KCNJ6: variants seen among roughly 807,000 people sequenced by gnomAD.
The protein encoded by KCNJ6 is potassium inwardly rectifying channel subfamily J member 6, also known as G protein-activated inward rectifier potassium channel 2.
A neutral mutation model predicts 34.2 loss-of-function variants in KCNJ6; 9 were observed. The observed-to-expected ratio is 0.26, with a 90% CI of 0.16 to 0.46. The LOEUF is 0.46. KCNJ6 is among the 20% of genes least tolerant of loss of function. The pLI, the probability that KCNJ6 is intolerant of heterozygous loss-of-function variation, is 1.00. For missense variants in KCNJ6, 236 were observed against 531.3 expected, an observed-to-expected ratio of 0.44 and a Z score of 5.46; for synonymous variants, 196 against 207.1, an observed-to-expected ratio of 0.95 and a Z score of 0.46.
At chr21:37,811,236 A>G (rs1399175482) in intron 2 of KCNJ6, among the ~76,000 whole-genome samples, 2 of 152,042 alleles carry the variant, frequency 1.3e-5, no homozygotes, top group Non-Finnish European at 2.9e-5. Flanking sequence ...TCTAACCTTT[A>G]CCCTGTGCAT....
chr21:37,644,991 A>T (rs1656729465), intron 3 of KCNJ6, among the ~76,000 whole-genome samples: 1 of 149,578 alleles, frequency 6.7e-6, no homozygotes, highest in African/African-American at 2.5e-5. Context: ...AAAGGAGAGC[A>T]TCACTGGTTG....
chr21:37,665,581 A>G (rs1787399), intron 3 of KCNJ6, among the ~76,000 whole-genome samples: 87,712 of 151,980 alleles, frequency 0.58, 25,581 homozygotes, highest in East Asian at 0.85. Flanking sequence ...CCATGCTGGT[A>G]TGAGGTAGAG....
At chr21:37,877,314 T>C (rs546632406) in intron 1 of KCNJ6, among the ~76,000 whole-genome samples, 10 of 152,294 alleles carry the variant, frequency 6.6e-5, no homozygotes, top group African/African-American at 2.4e-4. Context: ...ATCTGCAGTT[T>C]CTACCATGAA....
intron 3 of KCNJ6, among the ~76,000 whole-genome samples, chr21:37,694,935 C>G (rs578197569): frequency 2.0e-5 from 3 of 152,348 alleles, no homozygotes; most frequent in Non-Finnish European, 4.4e-5. Context: ...GAAGAAGGCC[C>G]TCACCAGGAA....
At chr21:37,824,011 T>C (rs183259530) in intron 2 of KCNJ6, among the ~76,000 whole-genome samples, 24 of 676 alleles carry the variant, frequency 0.036, no homozygotes, top group Non-Finnish European at 0.072. Flanking sequence ...ACTAGCTTGA[T>C]TGAATCATTT....
rs140700936 is a variant in KCNJ6, at chr21:37,608,391, C to G, written c.*16768G>C. The G allele has an allele frequency of 6.6e-6, 1 of 152,346 alleles. No individual in the cohort carries two copies. The highest frequency in any genetic ancestry group is 1.9e-4 in the East Asian group (1 of 5,176). The allele number at this position is 152,346 out of a possible 1,614,324, so 9.4% of individuals were successfully genotyped here. On this transcript the variant is annotated 3_prime_UTR_variant, in exon 4 of 4. Coordinates refer to ENST00000609713, the MANE Select transcript of KCNJ6 (RefSeq NM_002240.5). Reference sequence around the variant, plus strand: ...CAGGCTAATCTTGAATTCCTGGGCTCAAGCAATCCTCCCACCTTGGCCTCT... The same window carrying G: ...CAGGCTAATCTTGAATTCCTGGGCTGAAGCAATCCTCCCACCTTGGCCTCT...
chr21:37,857,523 A>G (rs1040063743), intron 1 of KCNJ6, among the ~76,000 whole-genome samples: 1 of 152,236 alleles, frequency 6.6e-6, no homozygotes, highest in African/African-American at 2.4e-5. Context: ...CTGAGTGGAA[A>G]AGAAACTGTG....
chr21:37,870,393 C>T (rs1427975415), intron 1 of KCNJ6, among the ~76,000 whole-genome samples: 1 of 152,134 alleles, frequency 6.6e-6, no homozygotes, highest in Non-Finnish European at 1.5e-5. Flanking sequence ...CTTTGAAGCT[C>T]AGTATTTCTC....
chr21:37,713,221 TCATG>T (rs2054771781), intron 3 of KCNJ6, among the ~76,000 whole-genome samples: 1 of 152,086 alleles, frequency 6.6e-6, no homozygotes, highest in Admixed American at 6.5e-5. Flanking sequence ...AGCCTGCTGG[TCATG>T]CAATTTCAGA....
chr21:37,706,854 T>A (rs1215390615), intron 3 of KCNJ6, among the ~76,000 whole-genome samples: 1 of 152,248 alleles, frequency 6.6e-6, no homozygotes, highest in South Asian at 2.1e-4. Context: ...CATCAGCTGA[T>A]ACCTCAGAAT....
chr21:37,641,283 C>T (rs1383208523), intron 3 of KCNJ6, among the ~76,000 whole-genome samples: 2 of 152,058 alleles, frequency 1.3e-5, no homozygotes, highest in African/African-American at 4.8e-5. Context: ...TAAAAAGACC[C>T]AGCTGGTAAT....
intron 2 of KCNJ6, among the ~76,000 whole-genome samples, chr21:37,724,410 G>T (rs1379942228): frequency 6.6e-6 from 1 of 152,178 alleles, no homozygotes; most frequent in African/African-American, 2.4e-5. Flanking sequence ...CTGCAGTCTG[G>T]CTTTGAGTCA....
chr21:37,812,076 C>A (rs969353788), intron 2 of KCNJ6, among the ~76,000 whole-genome samples: 4 of 152,100 alleles, frequency 2.6e-5, no homozygotes, highest in South Asian at 2.1e-4. Context: ...GAATTTAGAC[C>A]ATTTGGGGTC....
intron 3 of KCNJ6, among the ~76,000 whole-genome samples, chr21:37,699,558 T>TA (rs1395700993): frequency 6.6e-6 from 1 of 152,212 alleles, no homozygotes; most frequent in Non-Finnish European, 1.5e-5. Context: ...GGAAATCGGA[T>TA]AACATCAAAG....
chr21:37,821,871 C>T (rs1265526616), intron 2 of KCNJ6, among the ~76,000 whole-genome samples: 1 of 152,096 alleles, frequency 6.6e-6, no homozygotes, highest in African/African-American at 2.4e-5. Flanking sequence ...TGACAGTTTT[C>T]CTGTAATGGT....
intron 3 of KCNJ6, among the ~76,000 whole-genome samples, chr21:37,662,888 C>T (rs1017296081): frequency 1.3e-5 from 2 of 152,058 alleles, no homozygotes; most frequent in African/African-American, 2.4e-5. Flanking sequence ...CTCGTATGTT[C>T]ATCAGCCACA....
chr21:37,631,468 GA>G (rs1484739870), intron 3 of KCNJ6, among the ~76,000 whole-genome samples: 2 of 152,198 alleles, frequency 1.3e-5, no homozygotes, highest in Non-Finnish European at 2.9e-5. Context: ...GGCTGGTGAA[GA>G]GGGAATAACA....
chr21:37,664,613 C>T, intron 3 of KCNJ6, among the ~76,000 whole-genome samples: 1 of 151,928 alleles, frequency 6.6e-6, no homozygotes. Context: ...CTTACAAAAA[C>T]TGACTCAGTT....
intron 3 of KCNJ6, among the ~76,000 whole-genome samples, chr21:37,699,284 T>C (rs1209317472): frequency 1.3e-5 from 2 of 152,212 alleles, no homozygotes; most frequent in Non-Finnish European, 2.9e-5. Flanking sequence ...TGCCTGCAGA[T>C]TGAGTACACC....
Sources: allele counts gnomAD v4.1 joint callset (sites outside exome capture counted in the v4.1 genomes callset), GRCh38; gene constraint gnomAD v4.1.1; transcripts MANE v1.5; gene names NCBI Gene and HGNC (gene_info 2026-07-23, HGNC 2026-07-21).